Variants in ARMCX4 observed in about 807,000 individuals in gnomAD.
ARMCX4 encodes armadillo repeat containing X-linked 4, also known as armadillo repeat-containing X-linked protein 4.
In ARMCX4, 3 loss-of-function variants were observed where a neutral mutation model predicts 34.7. The ratio of observed to expected loss-of-function variants is 0.09; its 90% CI spans 0.04 to 0.22. The LOEUF is 0.22. Among genes scored for constraint, ARMCX4 ranks in the 10% least tolerant of loss-of-function variants. The pLI, the probability that ARMCX4 is intolerant of heterozygous loss-of-function variation, is 1.00. For synonymous variants in ARMCX4, 513 were observed against 632.8 expected, an observed-to-expected ratio of 0.81 and a Z score of 2.84; for missense variants, 1,448 against 1,720.8, an observed-to-expected ratio of 0.84 and a Z score of 2.81.
Position 101,493,952 on chromosome X carries a change from A to G in ARMCX4, c.5363A>G (p.Lys1788Arg). The G allele has an allele frequency of 1.1e-6, 1 of 939,253 alleles. No homozygotes were observed. 77.4% of individuals were successfully genotyped at this position (939,253 alleles called of 1,213,427 possible). The part of the protein sequence containing the change: ...MICSRIEAEN[K>R]ASSGSWIRSE... ...TGTTCTAGGATTGAGGCTGAGAACA[A>G]GGCTAGTAGTGGCTCCTGGATTAGA... The change falls in exon 6 of 6, where the codon AAG (lysine) becomes AGG (arginine). Residue 1788 changes from lysine (K) to arginine (R), a missense_variant. Physicochemically the swap from Lys to Arg is conservative, Grantham distance 26. This residue lies in a region of ARMCX4 where 1,343 missense variants were observed against 1,540.7 expected (regional missense o/e 0.87). Coordinates refer to ENST00000423738, the MANE Select transcript of ARMCX4 (RefSeq NM_001256155.3).
At chrX:101,503,343 T>G (rs1170729993) in intron 7 of ARMCX4, among the ~76,000 whole-genome samples, 2 of 111,243 alleles carry the variant, frequency 1.8e-5, no homozygotes, top group Admixed American at 1.9e-4. Flanking sequence ...TAGTTCTAGA[T>G]CCCTGAGGAA....
rs1439226737 is a variant in ARMCX4, at chrX:101,489,610, G to A, written c.1021G>A (p.Gly341Arg). Residue 341 changes from glycine (G) to arginine (R), a missense_variant, in exon 6 of 6, where the codon GGG becomes AGG. Gly to Arg is a moderately radical substitution (Grantham distance 125). Coordinates refer to ENST00000423738, the MANE Select transcript of ARMCX4 (RefSeq NM_001256155.3). ...EAIPGAKIDA[G>R]GNTNAMCKVG... Reference sequence around the variant, plus strand: ...CATTCCTGGGGCAAAGATTGATGCCGGGGGTAACACCAATGCCATGTGTAA... The same window carrying A: ...CATTCCTGGGGCAAAGATTGATGCCAGGGGTAACACCAATGCCATGTGTAA... 2.5e-5 allele frequency: 29 copies of A among 1,154,290 alleles called. No homozygotes were observed. Among genetic ancestry groups the A allele is most frequent in the East Asian group, 3.3e-5 (1 of 30,740 alleles).
Position 101,495,030 on chromosome X carries a change from G to A in ARMCX4, c.6441G>A (p.Leu2147=). Residue 2147 remains leucine (L), a synonymous_variant, in exon 6 of 6, where the codon TTG becomes TTA. Transcript: ENST00000423738. The part of the protein sequence containing the change: ...NSNVQLAGLR[L]IRHLTITSEY... Reference sequence around the variant, plus strand: ...ATGTGCAGTTGGCTGGACTAAGGTTGATAAGGCATCTGACTATTACCAGTG... The same window carrying A: ...ATGTGCAGTTGGCTGGACTAAGGTTAATAAGGCATCTGACTATTACCAGTG... The A allele has an allele frequency of 8.7e-7, 1 of 1,153,723 alleles. No homozygotes were observed. Among genetic ancestry groups the A allele is most frequent in the East Asian group, 3.2e-5 (1 of 30,779 alleles).
intron 2 of ARMCX4, among the ~76,000 whole-genome samples, chrX:101,442,904 G>A (rs948739357): frequency 9.9e-5 from 11 of 110,841 alleles, no homozygotes; most frequent in East Asian, 2.9e-4. Context: ...AGGCTGAGGC[G>A]GGCGGATCAC....
intron 2 of ARMCX4, among the ~76,000 whole-genome samples, chrX:101,421,105 A>AG (rs782737370): frequency 1.9e-5 from 2 of 103,970 alleles, no homozygotes; most frequent in Non-Finnish European, 3.9e-5. Flanking sequence ...CGGGAGGGTG[A>AG]GGCAGGAGAA....
intron 2 of ARMCX4, among the ~76,000 whole-genome samples, chrX:101,442,179 C>T (rs782655281): frequency 8.9e-6 from 1 of 112,592 alleles, no homozygotes; most frequent in African/African-American, 3.2e-5. Context: ...AAGCTCCTTT[C>T]CCATCAGGGA....
intron 8 of ARMCX4, among the ~76,000 whole-genome samples, chrX:101,506,483 A>C (rs1168702805): frequency 1.0e-4 from 11 of 110,546 alleles, no homozygotes; most frequent in African/African-American, 3.6e-4. Context: ...CTGCTTTCTC[A>C]CTGTGTCCTC....
In ARMCX4 at chrX:101,494,446, G is replaced by A. The variant is rs1934129362; in HGVS notation, c.5857G>A (p.Gly1953Ser). 2 of 1,155,402 alleles carry A rather than the reference G, an allele frequency of 1.7e-6. No homozygotes were observed. Among genetic ancestry groups the A allele is most frequent in the Non-Finnish European group, 2.3e-6 (2 of 872,724 alleles). Reference sequence around the variant, plus strand: ...TGATATAGGGTCTTGGTTCTGTGCTGGTAATGAAAACACAAGTGAGGACAA... The same window carrying A: ...TGATATAGGGTCTTGGTTCTGTGCTAGTAATGAAAACACAAGTGAGGACAA... ...GVDIGSWFCA[G>S]NENTSEDKSA... Residue 1953 changes from glycine to serine, a missense_variant, in exon 6 of 6, where the codon GGT becomes AGT. Coordinates refer to ENST00000423738, the MANE Select transcript of ARMCX4 (RefSeq NM_001256155.3).
At chrX:101,456,540 ACTATAGATATGTACTTCTTT>A (rs1932293296) in intron 4 of ARMCX4, among the ~76,000 whole-genome samples, 1 of 111,004 alleles carries the variant, frequency 9.0e-6, no homozygotes, top group Non-Finnish European at 1.9e-5. Flanking sequence ...ATTTTAAAGT[ACTATAGATATGTACTTCTTT>A]TTATTGTGGG....
At position 101,494,799 on chromosome X, in the gene ARMCX4, T is replaced by C; in HGVS notation, c.6210T>C (p.Ala2070=). The C allele has an allele frequency of 1.7e-6, 2 of 1,154,422 alleles. No homozygotes were observed. The highest frequency in any genetic ancestry group is 2.3e-6 in the Non-Finnish European group (2 of 871,311). Residue 2070 remains alanine, a synonymous_variant, in exon 6 of 6, where the codon GCT becomes GCC. Coordinates refer to ENST00000423738, the MANE Select transcript of ARMCX4 (RefSeq NM_001256155.3). ...CCAATAATGCTTTATATAACAGTGCTGATTATTCTTATTCTCATGAAGTTG... is the reference window on the plus strand; with the variant it reads ...CCAATAATGCTTTATATAACAGTGCCGATTATTCTTATTCTCATGAAGTTG... The part of the protein sequence containing the change: ...EIANNALYNS[A]DYSYSHEVVR...
intron 4 of ARMCX4, among the ~76,000 whole-genome samples, chrX:101,460,730 C>A (rs1450943678): frequency 1.8e-5 from 2 of 111,778 alleles, no homozygotes; most frequent in African/African-American, 6.5e-5. Flanking sequence ...ATGATGACAG[C>A]AAATATTTGC....
chrX:101,455,609 C>T (rs1465086089), intron 4 of ARMCX4, among the ~76,000 whole-genome samples: 1 of 111,450 alleles, frequency 9.0e-6, no homozygotes, highest in Non-Finnish European at 1.9e-5. Flanking sequence ...AGATAATGCT[C>T]CTCCATGGTT....
chrX:101,429,943 G>A (rs185635861), intron 2 of ARMCX4, among the ~76,000 whole-genome samples: 60 of 111,376 alleles, frequency 5.4e-4, no homozygotes, highest in Non-Finnish European at 1.1e-3. Flanking sequence ...ACATTCCTGG[G>A]TGGTTGGTTT....
intron 4 of ARMCX4, among the ~76,000 whole-genome samples, chrX:101,476,707 A>T (rs782099021): frequency 8.9e-6 from 1 of 111,892 alleles, no homozygotes; most frequent in African/African-American, 3.2e-5. Context: ...GGTTAGAGTT[A>T]TTAAAGAGGG....
At chrX:101,432,739 CGT>C (rs200153183) in intron 2 of ARMCX4, among the ~76,000 whole-genome samples, 1,737 of 70,938 alleles carry the variant, frequency 0.024, 43 homozygotes, top group African/African-American at 0.067. Context: ...CACATATATA[CGT>C]ATATATATGT....
At chrX:101,498,253 G>A (rs943617104), downstream of ARMCX4, 12 of 314,352 alleles carry the variant, frequency 3.8e-5, no homozygotes, top group African/African-American at 8.0e-5. Context: ...GAAGTGGTTC[G>A]AGAAAGCAAA....
chrX:101,480,654 G>A (rs1298041901), upstream of ARMCX4, among the ~76,000 whole-genome samples: 1 of 111,366 alleles, frequency 9.0e-6, no homozygotes, highest in African/African-American at 3.3e-5. Flanking sequence ...CTATATAACA[G>A]AAAAATAACT....
At chrX:101,476,587 A>G (rs1933198687) in intron 4 of ARMCX4, among the ~76,000 whole-genome samples, 1 of 111,345 alleles carries the variant, frequency 9.0e-6, no homozygotes, top group Non-Finnish European at 1.9e-5. Context: ...AATTTAAGAA[A>G]AAAAAGCATC....
intron 4 of ARMCX4, among the ~76,000 whole-genome samples, chrX:101,470,233 G>C (rs1191632492): frequency 9.0e-6 from 1 of 111,480 alleles, no homozygotes; most frequent in Non-Finnish European, 1.9e-5. Context: ...AGTTTCGTTT[G>C]TTTTTACGTT....
Sources: allele counts gnomAD v4.1 joint callset (sites outside exome capture counted in the v4.1 genomes callset), GRCh38; gene constraint gnomAD v4.1.1; regional missense constraint gnomAD v4.1.1; transcripts MANE v1.5; gene names NCBI Gene and HGNC (gene_info 2026-07-23, HGNC 2026-07-21).